Variants in NEB observed in about 807,000 individuals in gnomAD.
The protein encoded by NEB is nemaline myopathy type 2.
In NEB, 512 loss-of-function variants were observed where a neutral mutation model predicts 952.2. That is an observed-to-expected ratio of 0.54 (90% confidence interval 0.50 to 0.58). The LOEUF (loss-of-function observed/expected upper bound fraction) is 0.58, where lower values mean the gene tolerates loss of function less well. Ranked by LOEUF, NEB falls within the 20% of genes least tolerant of loss-of-function variation. The pLI is 0.00. For missense variants in NEB, 8,428 were observed against 9,231.1 expected (o/e 0.91, Z 3.56); for synonymous variants, 2,900 against 3,149.8 (o/e 0.92, Z 2.66).
intron 55 of NEB, 117 bp from the exon 56 acceptor site, chr2:151,644,692 A>G: frequency 1.2e-6 from 1 of 812,966 alleles, no homozygotes; most frequent in Non-Finnish European, 2.0e-6. Context: ...GCCCTAAAAT[A>G]CTCAAATGTA....
At chr2:151,626,792 G>A (rs1312770269) in intron 70 of NEB, among the ~76,000 whole-genome samples, 1 of 152,152 alleles carries the variant, frequency 6.6e-6, no homozygotes, top group Non-Finnish European at 1.5e-5. Context: ...CCAAAGAGCT[G>A]TGCCATTCTT....
At chr2:151,536,490 C>T (rs2093226499) in intron 141 of NEB, among the ~76,000 whole-genome samples, 1 of 152,134 alleles carries the variant, frequency 6.6e-6, no homozygotes, top group Admixed American at 6.5e-5. Flanking sequence ...ATCAGATAAT[C>T]ATAATCTTCT....
chr2:151,657,435 G>A (rs888451800), intron 48 of NEB, among the ~76,000 whole-genome samples: 13 of 152,172 alleles, frequency 8.5e-5, no homozygotes, highest in Admixed American at 3.9e-4. Context: ...TGGTACACCT[G>A]CTTTTTTGCC....
At chr2:151,732,197 T>C (rs2099810675) in intron 3 of NEB, among the ~76,000 whole-genome samples, 1 of 152,156 alleles carries the variant, frequency 6.6e-6, no homozygotes, top group African/African-American at 2.4e-5. Context: ...GATTTTCATG[T>C]GTTTAGATCA....
intron 167 of NEB, among the ~76,000 whole-genome samples, chr2:151,502,324 C>T (rs2065259232): frequency 6.6e-6 from 1 of 151,546 alleles, no homozygotes; most frequent in African/African-American, 2.4e-5. Context: ...CACTAAAGAA[C>T]TTAGTAACCA....
rs1351817263 is a variant in NEB at position 151,692,043 on chromosome 2, T to C, written c.2106+16A>G. The C allele has an allele frequency of 3.1e-6, 5 of 1,612,112 alleles. No individual in the cohort carries two copies. Among genetic ancestry groups the C allele is most frequent in the East Asian group, 2.2e-5 (1 of 44,862 alleles). ...CAATGTCACTGTGAGGCATGAACCA[T>C]TGTCTTCAAACTTACATCACTGTTT... On this transcript the variant is annotated intron_variant, in intron 22 of 181. Coordinates refer to ENST00000397345, the MANE Select transcript of NEB (RefSeq NM_001164508.2).
At chr2:151,509,256 G>C (rs1255678472) in intron 161 of NEB, among the ~76,000 whole-genome samples, 1 of 152,166 alleles carries the variant, frequency 6.6e-6, no homozygotes, top group Admixed American at 6.5e-5. Flanking sequence ...AGAAACGGTA[G>C]TTCATCATGA....
intron 40 of NEB, 69 bp downstream of exon 40, chr2:151,667,735 T>C (rs2099238511): frequency 4.1e-6 from 5 of 1,225,450 alleles, no homozygotes; most frequent in Non-Finnish European, 5.9e-6. Flanking sequence ...CTTGCTATGT[T>C]GCCCAGGCTG....
chr2:151,698,452 TA>T (rs1025620436), intron 13 of NEB, among the ~76,000 whole-genome samples: 3 of 151,992 alleles, frequency 2.0e-5, no homozygotes, highest in Admixed American at 6.6e-5. Flanking sequence ...TTGGGGGGAT[TA>T]AAAAAAATTC....
intron 161 of NEB, 38 bp downstream of exon 161, chr2:151,512,695 T>C: frequency 7.4e-7 from 1 of 1,342,536 alleles, no homozygotes. Context: ...TCTTTCATGA[T>C]TGGGGTTTAT....
intron 148 of NEB, among the ~76,000 whole-genome samples, chr2:151,526,535 A>G (rs1385716375): frequency 2.6e-5 from 4 of 152,192 alleles, no homozygotes; most frequent in Non-Finnish European, 2.9e-5. Flanking sequence ...TGTCCCTCCC[A>G]TAAGCCCTCC....
chr2:151,583,876 C>T, intron 100 of NEB, 110 bp from the exon 101 acceptor site: 1 of 593,872 alleles, frequency 1.7e-6, no homozygotes. Context: ...TATAAATTGG[C>T]TCAACATTGG....
At chr2:151,632,885 T>C (rs1168897033) in intron 65 of NEB, among the ~76,000 whole-genome samples, 1 of 152,182 alleles carries the variant, frequency 6.6e-6, no homozygotes, top group African/African-American at 2.4e-5. Context: ...AACTATCTTT[T>C]CTGTGCAGGC....
At chr2:151,511,286 C>G (rs1371611361) in intron 161 of NEB, among the ~76,000 whole-genome samples, 1 of 152,186 alleles carries the variant, frequency 6.6e-6, no homozygotes, top group African/African-American at 2.4e-5. Flanking sequence ...GCATCCCTAC[C>G]CTTCAAAGAA....
At chr2:151,727,242 G>A (rs111974018) in intron 5 of NEB, among the ~76,000 whole-genome samples, 2 of 152,034 alleles carry the variant, frequency 1.3e-5, no homozygotes, top group African/African-American at 2.4e-5. Flanking sequence ...TCTGATCTTG[G>A]ATTTTTAAAA....
chr2:151,485,984 G>C lies in NEB; in HGVS notation c.25405-51C>G, dbSNP rs1478179476. ...AATATTATATGTTGGATTTGCAACA[G>C]TTAACACACATCTATTTGTAAGATC... On this transcript the variant is annotated intron_variant, in intron 181 of 181. Coordinates refer to ENST00000397345, the MANE Select transcript of NEB (RefSeq NM_001164508.2). The C allele has an allele frequency of 1.4e-4, 221 of 1,544,004 alleles. 1 individual carries two copies. Among genetic ancestry groups the C allele is most frequent in the Non-Finnish European group, 4.5e-6 (5 of 1,122,596 alleles).
chr2:151,549,041 G>C (rs2095056658), intron 130 of NEB, among the ~76,000 whole-genome samples: 1 of 152,138 alleles, frequency 6.6e-6, no homozygotes, highest in African/African-American at 2.4e-5. Context: ...TCAAGTCCCA[G>C]TTGAGTACTT....
Position 151,684,881 on chromosome 2 carries a change from A to G in NEB, c.2732T>C (p.Ile911Thr), listed in dbSNP as rs369273788. 1 of 1,613,180 alleles carries G rather than the reference A, an allele frequency of 6.2e-7. No individual in the cohort carries two copies. The highest frequency in any genetic ancestry group is 8.5e-7 in the Non-Finnish European group (1 of 1,179,526). Residue 911 changes from isoleucine (I) to threonine (T), a missense_variant, in exon 28 of 182, where the codon ATT (isoleucine) becomes ACT (threonine). Physicochemically the swap from Ile to Thr is moderately conservative, Grantham distance 89. Around this residue, in one of 11 missense-constraint regions of NEB, gnomAD observed 2,851 missense variants for 2,791.5 expected, o/e 1.02. Transcript: ENST00000397345. The stretch of plus-strand genomic sequence containing the variant: ...GTGCTTATAATCAACGTCGCTGGCA[A>G]TTGCCTGAGATTTCTTAGCTTGAGT... ...QVTQAKKSQAIASDVDYKHIL... is the reference protein window; with the variant it reads ...QVTQAKKSQATASDVDYKHIL...
rs367648012 is a variant in NEB, at chr2:151,565,654, C to A, written c.18262-49G>T. ...AGACAGGTCTACCACCACAGGTTAT[C>A]TACCCCAACATGGCAGGTAGGAGGA... is the stretch of plus-strand genomic sequence containing the variant. On this transcript the variant is annotated intron_variant, in intron 115 of 181. Transcript: ENST00000397345. 1.3e-5 allele frequency: 21 copies of A among 1,564,810 alleles called. No individual in the cohort carries two copies. In the African/African-American group the frequency reaches 2.4e-4, roughly 18 times the overall value.
Sources: allele counts gnomAD v4.1 joint callset (sites outside exome capture counted in the v4.1 genomes callset), GRCh38; gene constraint gnomAD v4.1.1; regional missense constraint gnomAD v4.1.1; transcripts MANE v1.5; gene names NCBI Gene and HGNC (gene_info 2026-07-23, HGNC 2026-07-21).